Variants in ANKRD26 observed in about 807,000 individuals in gnomAD.
ANKRD26 encodes the protein ankyrin repeat domain 26.
A neutral mutation model predicts 208.7 loss-of-function variants in ANKRD26; 141 were observed. The observed-to-expected ratio is 0.68, with a 90% CI of 0.59 to 0.78. The LOEUF is 0.78. ANKRD26 is among the 30% of genes least tolerant of loss of function. The pLI is 0.00. For missense variants in ANKRD26, 1,889 were observed against 1,938.7 expected (o/e 0.97, Z 0.48); for synonymous variants, 636 against 660.4 (o/e 0.96, Z 0.57).
chr10:27,073,573 G>T (rs1014008689), intron 9 of ANKRD26, among the ~76,000 whole-genome samples: 5 of 152,142 alleles, frequency 3.3e-5, no homozygotes, highest in Non-Finnish European at 7.3e-5. Context: ...GCATATCACT[G>T]AGAGCTCCCC....
At chr10:26,996,232 A>G (rs2052588763) in intron 4 of ANKRD26, among the ~76,000 whole-genome samples, 1 of 152,156 alleles carries the variant, frequency 6.6e-6, no homozygotes, top group Non-Finnish European at 1.5e-5. Context: ...GAATATCTTG[A>G]GACCAGGAGT....
chr10:26,962,504 G>C, the ANKRD26 span, among the ~76,000 whole-genome samples: 2 of 152,248 alleles, frequency 1.3e-5, no homozygotes, highest in South Asian at 4.1e-4. Context: ...GAACCCGGGA[G>C]GCAGAGGTTG....
At chr10:26,994,897 CG>C in intron 5 of ANKRD26, 1 of 353,556 alleles carries the variant, frequency 2.8e-6, no homozygotes, top group Non-Finnish European at 5.6e-6. Flanking sequence ...TTGAAAAGCT[CG>C]GGTCAGGGAA....
chr10:27,075,917 A>T (rs2055683271), intron 9 of ANKRD26, among the ~76,000 whole-genome samples: 1 of 152,238 alleles, frequency 6.6e-6, no homozygotes, highest in Non-Finnish European at 1.5e-5. Flanking sequence ...AGACCACAGC[A>T]GAATACATAG....
intron 3 of ANKRD26, among the ~76,000 whole-genome samples, chr10:26,984,097 A>C (rs1385257061): frequency 6.6e-6 from 1 of 152,216 alleles, no homozygotes; most frequent in African/African-American, 2.4e-5. Flanking sequence ...AAAAGAGCAT[A>C]AATAGCTGCA....
chr10:27,016,928 C>T (rs1319238068), intron 30 of ANKRD26, among the ~76,000 whole-genome samples: 2 of 151,992 alleles, frequency 1.3e-5, no homozygotes, highest in African/African-American at 4.8e-5. Context: ...TGGCTCATGC[C>T]TGTAATCTCA....
chr10:27,049,682 C>T (rs2054580979), intron 16 of ANKRD26, among the ~76,000 whole-genome samples: 1 of 152,098 alleles, frequency 6.6e-6, no homozygotes, highest in Non-Finnish European at 1.5e-5. Flanking sequence ...AAGTTAACCT[C>T]ATTATCTACT....
chr10:26,967,956 C>T, the ANKRD26 span, among the ~76,000 whole-genome samples: 1 of 152,168 alleles, frequency 6.6e-6, no homozygotes, highest in Non-Finnish European at 1.5e-5. Context: ...AGCCTTGCCC[C>T]CTCCCTGCAA....
chr10:27,082,762 T>C (rs2055972028), intron 6 of ANKRD26, 41 bp downstream of exon 6: 1 of 1,548,390 alleles, frequency 6.5e-7, no homozygotes, highest in South Asian at 1.2e-5. Context: ...CTTTTCTCTG[T>C]ATTCCTTTAA....
At chr10:26,998,936 G>C (rs942082975) in intron 4 of ANKRD26, among the ~76,000 whole-genome samples, 2 of 152,160 alleles carry the variant, frequency 1.3e-5, no homozygotes, top group Non-Finnish European at 2.9e-5. Context: ...AAAGAGGTCG[G>C]GATAAAGTAG....
intron 22 of ANKRD26, 108 bp downstream of exon 22, chr10:27,037,758 TTGAGA>T (rs2054091193): frequency 5.7e-6 from 5 of 875,400 alleles, no homozygotes; most frequent in Non-Finnish European, 8.7e-6. Flanking sequence ...ACAGGTCAGC[TTGAGA>T]TAACAGTTTT....
intron 5 of ANKRD26, 140 bp from the exon 6 acceptor site, chr10:27,082,973 T>C (rs1477136702): frequency 3.2e-6 from 4 of 1,236,332 alleles, no homozygotes; most frequent in African/African-American, 3.1e-5. Context: ...ATATCCTCTA[T>C]AAATATTCCA....
chr10:27,096,914 G>C (rs934093800), intron 1 of ANKRD26, among the ~76,000 whole-genome samples: 1 of 151,920 alleles, frequency 6.6e-6, no homozygotes, highest in African/African-American at 2.4e-5. Context: ...ACTAGCGGTG[G>C]TTCACGCCTG....
At chr10:27,091,482 A>G (rs2056298204) in intron 4 of ANKRD26, among the ~76,000 whole-genome samples, 1 of 152,226 alleles carries the variant, frequency 6.6e-6, no homozygotes, top group African/African-American at 2.4e-5. Context: ...ATAGAAAAGG[A>G]AAAAAATAAT....
intron 4 of ANKRD26, among the ~76,000 whole-genome samples, chr10:27,089,774 G>A (rs894187905): frequency 4.6e-5 from 7 of 152,204 alleles, no homozygotes; most frequent in African/African-American, 1.7e-4. Flanking sequence ...CCAGGTGACA[G>A]AGTGAGACCC....
intron 28 of ANKRD26, among the ~76,000 whole-genome samples, chr10:27,024,122 G>A (rs2053583204): frequency 6.6e-6 from 1 of 152,016 alleles, no homozygotes; most frequent in South Asian, 2.1e-4. Context: ...TGAAGGGAAG[G>A]ACACTACCAA....
intron 12 of ANKRD26, among the ~76,000 whole-genome samples, chr10:27,061,535 T>C (rs2055055553): frequency 1.3e-5 from 2 of 151,230 alleles, no homozygotes; most frequent in Non-Finnish European, 2.9e-5. Context: ...TTAAACTCAT[T>C]TGATTAATAT....
rs369318677 is a variant in ANKRD26 at position 27,035,457 on chromosome 10, C to G, written c.2993G>C (p.Ser998Thr). Residue 998 changes from serine (S) to threonine (T), a missense_variant, in exon 24 of 34, where the codon AGC (serine) becomes ACC (threonine). By Grantham distance (58) the Ser-to-Thr change is moderately conservative. Coordinates refer to ENST00000376087, the MANE Select transcript of ANKRD26 (RefSeq NM_014915.3). ...LNSKLENEKQ[S>T]KERLEAEVES... ...AACTTCTGCTTCCAGTCTTTCCTTG[C>G]TTTGCTTTTCATTCTCCAGTTTAGA... 4.3e-6 allele frequency: 7 copies of G among 1,613,992 alleles called. No homozygotes were observed. The highest frequency in any genetic ancestry group is 5.9e-6 in the Non-Finnish European group (7 of 1,179,942).
chr10:27,053,150 C>T (rs1162286901), intron 16 of ANKRD26, among the ~76,000 whole-genome samples, 170 bp downstream of exon 16: 1 of 152,128 alleles, frequency 6.6e-6, no homozygotes, highest in Non-Finnish European at 1.5e-5. Flanking sequence ...TAGGTTACTA[C>T]ACATTCTAAG....
Sources: allele counts gnomAD v4.1 joint callset (sites outside exome capture counted in the v4.1 genomes callset), GRCh38; gene constraint gnomAD v4.1.1; transcripts MANE v1.5; gene names NCBI Gene and HGNC (gene_info 2026-07-23, HGNC 2026-07-21).